PIAS1: variants seen among roughly 807,000 people sequenced by gnomAD.
PIAS1 encodes the protein protein inhibitor of activated STAT 1.
A neutral mutation model predicts 71.3 loss-of-function variants in PIAS1; 6 were observed. That is an observed-to-expected ratio of 0.08 (90% CI 0.05 to 0.17). The LOEUF (loss-of-function observed/expected upper bound fraction) is 0.17. PIAS1 is among the 10% of genes least tolerant of loss of function. The pLI, the probability that PIAS1 is intolerant of heterozygous loss-of-function variation, is 1.00. For synonymous variants in PIAS1, 303 were observed against 292.9 expected (o/e 1.03, Z -0.35); for missense variants, 555 against 793.6 (o/e 0.70, Z 3.61).
At chr15:68,156,149 T>C (rs1467836087) in intron 7 of PIAS1, among the ~76,000 whole-genome samples, 3 of 152,216 alleles carry the variant, frequency 2.0e-5, no homozygotes, top group African/African-American at 7.2e-5. Flanking sequence ...ACAAGACACA[T>C]ACCATCTCTG....
Position 68,150,467 on chromosome 15 carries a change from G to C in PIAS1, c.829-3123G>C, listed in dbSNP as rs181280666. On this transcript the variant is annotated intron_variant, in intron 6 of 13. Transcript: ENST00000249636. ...GTTTTTAAATTACTGTTTTAATTCAGCTTGTGAAGATATTCTGAATAGTTC... is the reference window on the plus strand; with the variant it reads ...GTTTTTAAATTACTGTTTTAATTCACCTTGTGAAGATATTCTGAATAGTTC... Among the ~76,000 whole-genome samples the C allele has an allele frequency of 2.6e-4, 39 of 152,224 alleles. 1 individual carries two copies. In the East Asian group the frequency reaches 3.1e-3, roughly 12 times the overall value.
intron 13 of PIAS1, chr15:68,184,702 T>G (rs2093076130): frequency 6.6e-6 from 1 of 152,276 alleles, no homozygotes; most frequent in Non-Finnish European, 1.5e-5. Context: ...GCCAGACAAA[T>G]TTTCAATACG....
chr15:68,104,810 C>G (rs1017937530), intron 2 of PIAS1, among the ~76,000 whole-genome samples: 6 of 152,116 alleles, frequency 3.9e-5, no homozygotes, highest in African/African-American at 1.4e-4. Flanking sequence ...TAAATATGTA[C>G]AGCAATTATG....
At chr15:68,180,330 G>A (rs2093046334) in intron 11 of PIAS1, among the ~76,000 whole-genome samples, 1 of 151,848 alleles carries the variant, frequency 6.6e-6, no homozygotes, top group Non-Finnish European at 1.5e-5. Context: ...CTTCTGGGCT[G>A]AAACTATCCT....
chr15:68,134,847 A>AC (rs1439827813), intron 2 of PIAS1, among the ~76,000 whole-genome samples: 1 of 28,156 alleles, frequency 3.6e-5, no homozygotes, highest in Admixed American at 3.1e-4. Context: ...CGGGGGGCTG[A>AC]CCCCCCCACC....
intron 2 of PIAS1, among the ~76,000 whole-genome samples, chr15:68,138,519 G>A (rs2092749203): frequency 1.3e-5 from 2 of 152,156 alleles, no homozygotes; most frequent in Non-Finnish European, 2.9e-5. Flanking sequence ...TTGTTGCCCA[G>A]GCTGGAGTGC....
At chr15:68,179,870 G>A (rs997790724) in intron 11 of PIAS1, among the ~76,000 whole-genome samples, 1 of 151,740 alleles carries the variant, frequency 6.6e-6, no homozygotes, top group Non-Finnish European at 1.5e-5. Context: ...GAGCCACCAC[G>A]CCCGGCCCTC....
At position 68,145,821 on chromosome 15, in the gene PIAS1, G is replaced by C. The variant is rs1198191824; in HGVS notation, c.608G>C (p.Cys203Ser). Residue 203 changes from cysteine to serine, a missense_variant, in exon 5 of 14, where the codon TGT becomes TCT. Physicochemically the swap from Cys to Ser is moderately radical, Grantham distance 112. This residue lies in a region of PIAS1 where 134 missense variants were observed against 203.4 expected (regional missense o/e 0.66). Transcript: ENST00000249636. ...ACTTGTCCTTTATTGTTTAGGTTTT[G>C]TTTATCAGAAACCAGTTGTCCACAA... ...DFTVQVQLRF[C>S]LSETSCPQED... 1 of 1,595,704 alleles carries C rather than the reference G, an allele frequency of 6.3e-7. No individual in the cohort carries two copies. Among genetic ancestry groups the C allele is most frequent in the South Asian group, 1.1e-5 (1 of 90,654 alleles).
rs374050785 is a variant in PIAS1 at position 68,090,894 on chromosome 15, CT to C, written c.469+4146del. Among the ~76,000 whole-genome samples the C allele has an allele frequency of 4.1e-4, 61 of 148,206 alleles. No homozygotes were observed. The East Asian group carries it at 0.011, about 28-fold the overall frequency. On this transcript the variant is annotated intron_variant, in intron 2 of 13. Transcript: ENST00000249636. Reference sequence around the variant, plus strand: ...ACTTTACAGATAAACTTTTAAAATACTTCTGTGGTATTCTTTTTGTTAGTCA... The same window carrying C: ...ACTTTACAGATAAACTTTTAAAATACTCTGTGGTATTCTTTTTGTTAGTCA...
chr15:68,152,195 C>T (rs1274317772), intron 6 of PIAS1, among the ~76,000 whole-genome samples: 3 of 151,954 alleles, frequency 2.0e-5, no homozygotes, highest in Non-Finnish European at 4.4e-5. Flanking sequence ...GTGACCTACC[C>T]ACCTCAGCCT....
At chr15:68,133,678 T>G (rs2092701383) in intron 2 of PIAS1, among the ~76,000 whole-genome samples, 2 of 124 alleles carry the variant, frequency 0.016, 1 homozygote, top group African/African-American at 0.016. Flanking sequence ...AAATTTAGAT[T>G]TTTATTTTTA....
At position 68,178,307 on chromosome 15, in the gene PIAS1, C is replaced by T. The variant is rs372092249; in HGVS notation, c.1481+1653C>T. On this transcript the variant is annotated intron_variant, in intron 11 of 13. Coordinates refer to ENST00000249636, the MANE Select transcript of PIAS1 (RefSeq NM_016166.3). The surrounding 1 kb of genome is among the most constrained non-coding windows in gnomAD (Gnocchi z 4.2). Reference sequence around the variant, plus strand: ...GATTTCAGTCAAACATTTCACACATCGGTATTTTCATTCTACAGTAGTCCA... The same window carrying T: ...GATTTCAGTCAAACATTTCACACATTGGTATTTTCATTCTACAGTAGTCCA... Among the ~76,000 whole-genome samples the T allele has an allele frequency of 1.4e-3, 211 of 152,254 alleles. No individual in the cohort carries two copies. The highest frequency in any genetic ancestry group is 4.8e-3 in the African/African-American group (201 of 41,534).
chr15:68,179,397 T>C (rs1490209380), intron 11 of PIAS1, among the ~76,000 whole-genome samples: 1 of 151,996 alleles, frequency 6.6e-6, no homozygotes, highest in Admixed American at 6.6e-5. Flanking sequence ...TAAATGGTAC[T>C]TTTTCTAGAT....
At chr15:68,072,131 G>T (rs1042403435) in intron 1 of PIAS1, among the ~76,000 whole-genome samples, 1 of 151,376 alleles carries the variant, frequency 6.6e-6, no homozygotes, top group Non-Finnish European at 1.5e-5. Context: ...GGGCGCAGTG[G>T]TTCATGCCTG....
chr15:68,078,391 G>GT (rs1228813436), intron 1 of PIAS1, among the ~76,000 whole-genome samples: 1 of 152,008 alleles, frequency 6.6e-6, no homozygotes, highest in East Asian at 1.9e-4. Context: ...TTATTTCTTA[G>GT]TTTTTTTCTT....
chr15:68,153,861 A>G, intron 7 of PIAS1, 166 bp downstream of exon 7: 1 of 425,704 alleles, frequency 2.3e-6, no homozygotes, highest in South Asian at 4.9e-5. Flanking sequence ...TATAATCTAT[A>G]TTTTACTAAT....
chr15:68,092,520 G>A (rs1038408719), intron 2 of PIAS1, among the ~76,000 whole-genome samples: 4 of 152,142 alleles, frequency 2.6e-5, no homozygotes, highest in Admixed American at 2.6e-4. Flanking sequence ...TCTTCTACTT[G>A]ATTACTGAAG....
intron 2 of PIAS1, among the ~76,000 whole-genome samples, chr15:68,091,620 T>G (rs1339523947): frequency 6.6e-6 from 1 of 152,204 alleles, no homozygotes; most frequent in Non-Finnish European, 1.5e-5. Flanking sequence ...TCATTTGGAC[T>G]ACAGATACTC....
At position 68,187,630 on chromosome 15, in the gene PIAS1, C is replaced by T. The variant is rs2093096664; in HGVS notation, c.1751C>T (p.Thr584Ile). ...CACTCGTCTCGGTTTTTCCCGTATA[C>T]CTCCTCACAGATGTTTCTTGATCAG... Reference protein sequence around the residue: ...LLHSSRFFPYTSSQMFLDQLS... With the variant: ...LLHSSRFFPYISSQMFLDQLS... Residue 584 changes from threonine to isoleucine, a missense_variant, in exon 14 of 14, where the codon ACC (threonine) becomes ATC (isoleucine). By Grantham distance (89) the Thr-to-Ile change is moderately conservative. This residue lies in a region of PIAS1 where 244 missense variants were observed against 307.5 expected (regional missense o/e 0.79). Coordinates refer to ENST00000249636, the MANE Select transcript of PIAS1 (RefSeq NM_016166.3). The surrounding 1 kb of genome is among the most constrained non-coding windows in gnomAD (Gnocchi z 5.3). 6.2e-7 allele frequency: 1 copy of T among 1,613,804 alleles called. No homozygotes were observed. The highest frequency in any genetic ancestry group is 1.7e-5 in the Admixed American group (1 of 60,008).
Sources: allele counts gnomAD v4.1 joint callset (sites outside exome capture counted in the v4.1 genomes callset), GRCh38; gene constraint gnomAD v4.1.1; regional missense constraint gnomAD v4.1.1; non-coding constraint Gnocchi (gnomAD v3.1); transcripts MANE v1.5; gene names NCBI Gene and HGNC (gene_info 2026-07-23, HGNC 2026-07-21).